The following PTPRO variants were observed in gnomAD, a reference collection of about 807,000 sequenced individuals.
The protein encoded by PTPRO is protein tyrosine phosphatase receptor type O.
A neutral mutation model predicts 145.2 loss-of-function variants in PTPRO; 62 were observed. The observed-to-expected ratio is 0.43, with a 90% CI of 0.35 to 0.53. The LOEUF is 0.53. Ranked by LOEUF, PTPRO falls within the 20% of genes least tolerant of loss-of-function variation. The pLI is 0.01. For synonymous variants in PTPRO, 565 were observed against 514.7 expected (o/e 1.10, Z -1.32); for missense variants, 1,345 against 1,482.7 (o/e 0.91, Z 1.53).
At chr12:15,484,395 A>C in intron 2 of PTPRO, 148 bp downstream of exon 2, 1 of 879,642 alleles carries the variant, frequency 1.1e-6, no homozygotes, top group Non-Finnish European at 1.8e-6. Flanking sequence ...GAGCTATATT[A>C]AGAATACAGC....
chr12:15,585,096 A>C (rs73068653), intron 23 of PTPRO, among the ~76,000 whole-genome samples: 5,418 of 152,276 alleles, frequency 0.036, 130 homozygotes, highest in Non-Finnish European at 0.049. Context: ...AACTAACTAC[A>C]ATTTAATGAT....
At chr12:15,431,977 C>T (rs905660549) in intron 1 of PTPRO, among the ~76,000 whole-genome samples, 9 of 152,100 alleles carry the variant, frequency 5.9e-5, no homozygotes, top group Non-Finnish European at 1.0e-4. Flanking sequence ...CTGAGCTTAA[C>T]AGCTGTTTTT....
intron 1 of PTPRO, among the ~76,000 whole-genome samples, chr12:15,424,676 A>T (rs1017487919): frequency 1.3e-5 from 2 of 152,060 alleles, no homozygotes; most frequent in African/African-American, 2.4e-5. Context: ...TTATGAAGGT[A>T]TCCCAGAAGA....
chr12:15,522,433 A>C (rs1942743581), intron 10 of PTPRO, among the ~76,000 whole-genome samples: 1 of 148,858 alleles, frequency 6.7e-6, no homozygotes, highest in South Asian at 2.2e-4. Context: ...ACCCCCCGAC[A>C]GTTCTCATGT....
chr12:15,323,353 T>C (rs1866356544), intron 1 of PTPRO, among the ~76,000 whole-genome samples: 1 of 152,190 alleles, frequency 6.6e-6, no homozygotes, highest in Non-Finnish European at 1.5e-5. Context: ...CCAACTCCTA[T>C]CAACATCTTT....
intron 6 of PTPRO, 106 bp downstream of exon 6, chr12:15,504,175 T>G: frequency 7.9e-7 from 1 of 1,261,658 alleles, no homozygotes; most frequent in Non-Finnish European, 1.1e-6. Flanking sequence ...TTAGGGATGA[T>G]GAGAAGTCTT....
At chr12:15,364,077 C>A (rs1402479107) in intron 1 of PTPRO, among the ~76,000 whole-genome samples, 1 of 152,110 alleles carries the variant, frequency 6.6e-6, no homozygotes, top group Non-Finnish European at 1.5e-5. Context: ...CAAAGATTAA[C>A]AACTGACCAT....
rs111332001 is a variant in PTPRO at position 15,569,144 on chromosome 12, T to C, written c.2748-273T>C. 0.011 allele frequency among the ~76,000 whole-genome samples: 1,624 copies of C among 152,228 alleles called. 37 individuals are homozygous for C. Among genetic ancestry groups the C allele is most frequent in the African/African-American group, 0.038 (1,559 of 41,532 alleles). ...AGATGGGGGTGTGTGTATACGAGTA[T>C]GCATATATATACTACTGTACTGCTA... On this transcript the variant is annotated intron_variant, in intron 18 of 26. Transcript: ENST00000281171.
intron 1 of PTPRO, among the ~76,000 whole-genome samples, chr12:15,332,071 T>A (rs986370318): frequency 6.7e-6 from 1 of 149,902 alleles, no homozygotes; most frequent in Non-Finnish European, 1.5e-5. Context: ...GTTCAAGCAA[T>A]TCTCCTGCCT....
rs74069085 is a variant in PTPRO at position 15,426,768 on chromosome 12, G to A, written c.76-57206G>A. ...TAAATGTGTATAGATTTGGAGTTAA[G>A]TTTTCCAGAGAAAATACCAGACACT... On this transcript the variant is annotated intron_variant, in intron 1 of 26. Coordinates refer to ENST00000281171, the MANE Select transcript of PTPRO (RefSeq NM_030667.3). Among the ~76,000 whole-genome samples the A allele has an allele frequency of 8.1e-3, 1,232 of 151,972 alleles. 12 individuals carry two copies. Among genetic ancestry groups the A allele is most frequent in the African/African-American group, 0.028 (1,169 of 41,428 alleles).
At chr12:15,474,346 C>T (rs1941608306) in intron 1 of PTPRO, among the ~76,000 whole-genome samples, 1 of 152,184 alleles carries the variant, frequency 6.6e-6, no homozygotes, top group South Asian at 2.1e-4. Context: ...TAGCTTCTCT[C>T]CCCGAAGACT....
chr12:15,489,182 A>G (rs1308691154), intron 2 of PTPRO, among the ~76,000 whole-genome samples: 1 of 152,216 alleles, frequency 6.6e-6, no homozygotes, highest in African/African-American at 2.4e-5. Context: ...GGAAGAGACA[A>G]ATAAAAACCA....
At chr12:15,590,071 A>C (rs1275387142) in intron 25 of PTPRO, among the ~76,000 whole-genome samples, 1 of 152,232 alleles carries the variant, frequency 6.6e-6, no homozygotes, top group African/African-American at 2.4e-5. Context: ...GATTTTAAAG[A>C]TTCCCAGTCC....
chr12:15,409,655 C>A (rs1939740897), intron 1 of PTPRO, among the ~76,000 whole-genome samples: 1 of 152,082 alleles, frequency 6.6e-6, no homozygotes. Context: ...TCTGGGGAGG[C>A]CTTGGGAAGC....
intron 15 of PTPRO, among the ~76,000 whole-genome samples, chr12:15,552,869 G>C (rs1293740864): frequency 7.8e-6 from 1 of 128,524 alleles, no homozygotes; most frequent in East Asian, 2.4e-4. Flanking sequence ...GTGCCATCTT[G>C]GTTCACTGCA....
rs576103778 is a variant in PTPRO at position 15,456,842 on chromosome 12, T to C, written c.76-27132T>C. ...TGTTTTCATTTATTTGTATTCTCTC[T>C]TTTTTCCACAGTTATACTATTGGGG... On this transcript the variant is annotated intron_variant, in intron 1 of 26. Coordinates refer to ENST00000281171, the MANE Select transcript of PTPRO (RefSeq NM_030667.3). Among the ~76,000 whole-genome samples, 3 of 152,292 alleles carry C rather than the reference T, an allele frequency of 2.0e-5. 1 individual carries two copies. Among genetic ancestry groups the C allele is most frequent in the African/African-American group, 7.2e-5 (3 of 41,578 alleles).
intron 1 of PTPRO, among the ~76,000 whole-genome samples, chr12:15,391,134 G>A (rs191243448): frequency 3.7e-4 from 57 of 152,234 alleles, no homozygotes; most frequent in Middle Eastern, 3.4e-3. Flanking sequence ...GTTCAACAAG[G>A]AACTGTGGGA....
At chr12:15,366,222 G>C (rs1168553486) in intron 1 of PTPRO, among the ~76,000 whole-genome samples, 2 of 152,142 alleles carry the variant, frequency 1.3e-5, no homozygotes, top group African/African-American at 4.8e-5. Context: ...TATCTAATTA[G>C]AGTGTAGAAA....
chr12:15,574,486 G>A (rs1364711249), intron 19 of PTPRO, among the ~76,000 whole-genome samples: 1 of 152,214 alleles, frequency 6.6e-6, no homozygotes, highest in Non-Finnish European at 1.5e-5. Context: ...GTTCAGACAT[G>A]TGGCTGCAAA....
Sources: gnomAD v4.1 joint callset for allele counts (sites outside exome capture counted in the v4.1 genomes callset) on GRCh38, gnomAD v4.1.1 for gene constraint, MANE v1.5 for transcripts, NCBI Gene and HGNC (gene_info 2026-07-23, HGNC 2026-07-21) for gene names.